ZMYND11: variants seen among roughly 807,000 people sequenced by gnomAD.
ZMYND11 encodes the protein zinc finger MYND-type containing 11.
A neutral mutation model predicts 84.9 loss-of-function variants in ZMYND11; 9 were observed. The ratio of observed to expected loss-of-function variants is 0.11; its 90% CI spans 0.06 to 0.18. The LOEUF (loss-of-function observed/expected upper bound fraction) is 0.18. ZMYND11 is among the 10% of genes least tolerant of loss of function. The pLI, the probability that ZMYND11 is intolerant of heterozygous loss-of-function variation, is 1.00. For missense variants in ZMYND11, 409 were observed against 761.0 expected, an observed-to-expected ratio of 0.54 and a Z score of 5.44; for synonymous variants, 250 against 244.1, an observed-to-expected ratio of 1.02 and a Z score of -0.23.
At chr10:190,615 A>G (rs1324298781) in intron 2 of ZMYND11, among the ~76,000 whole-genome samples, 1 of 152,180 alleles carries the variant, frequency 6.6e-6, no homozygotes, top group African/African-American at 2.4e-5. Context: ...TTATTGATAA[A>G]GTCCAAATAC....
chr10:166,453 C>T (rs1433642182), intron 1 of ZMYND11, among the ~76,000 whole-genome samples: 2 of 151,872 alleles, frequency 1.3e-5, no homozygotes, highest in Non-Finnish European at 2.9e-5. Context: ...AGACATTTCT[C>T]CAGACATATA....
chr10:174,326 T>C (rs1554766402), intron 1 of ZMYND11, among the ~76,000 whole-genome samples: 1 of 152,186 alleles, frequency 6.6e-6, no homozygotes, highest in East Asian at 1.9e-4. Flanking sequence ...ATTCCAACTG[T>C]GTGACATCTT....
At chr10:237,751 T>A in intron 6 of ZMYND11, 74 bp downstream of exon 6, 1 of 1,226,908 alleles carries the variant, frequency 8.2e-7, no homozygotes. Context: ...ATGTAGCAGT[T>A]AAGCAGATTT....
chr10:157,889 G>A (rs147952802), intron 1 of ZMYND11, among the ~76,000 whole-genome samples: 4 of 152,196 alleles, frequency 2.6e-5, no homozygotes, highest in Admixed American at 1.3e-4. Context: ...CTTCTCACCC[G>A]ATCCCCGGGC....
intron 1 of ZMYND11, among the ~76,000 whole-genome samples, chr10:159,602 T>C (rs1174042558): frequency 6.6e-6 from 1 of 152,180 alleles, no homozygotes; most frequent in African/African-American, 2.4e-5. Context: ...TGGGGCGTAT[T>C]CTGAAATTTC....
chr10:214,587 T>C (rs115320862), intron 3 of ZMYND11, among the ~76,000 whole-genome samples: 7 of 152,222 alleles, frequency 4.6e-5, no homozygotes, highest in Non-Finnish European at 1.0e-4. Flanking sequence ...CTTTTAAAAT[T>C]ATATTGGAAA....
At chr10:157,553 G>A (rs1338258477) in intron 1 of ZMYND11, among the ~76,000 whole-genome samples, 11 of 152,126 alleles carry the variant, frequency 7.2e-5, no homozygotes, top group African/African-American at 2.7e-4. Context: ...GAAAGCACAC[G>A]TAAGCTACTT....
chr10:200,871 T>G (rs1381444502), intron 2 of ZMYND11, among the ~76,000 whole-genome samples: 1 of 152,206 alleles, frequency 6.6e-6, no homozygotes, highest in Non-Finnish European at 1.5e-5. Flanking sequence ...GTCATAAATG[T>G]TTTTCCATTT....
intron 1 of ZMYND11, among the ~76,000 whole-genome samples, chr10:167,989 C>G (rs1554764454): frequency 6.6e-6 from 1 of 152,006 alleles, no homozygotes. Flanking sequence ...CTTGATACCC[C>G]CTGGCAACCA....
chr10:188,752 A>G (rs898256562), intron 2 of ZMYND11, among the ~76,000 whole-genome samples: 1 of 152,206 alleles, frequency 6.6e-6, no homozygotes, highest in East Asian at 1.9e-4. Context: ...GATTTGGACT[A>G]TTATGACTTG....
chr10:208,967 A>G (rs1338751431), intron 2 of ZMYND11, among the ~76,000 whole-genome samples: 8 of 151,952 alleles, frequency 5.3e-5, no homozygotes, highest in Admixed American at 6.6e-5. Flanking sequence ...GAAGTTTAGT[A>G]GTTAACTGGA....
chr10:240,287 C>T (rs975735355), intron 8 of ZMYND11, among the ~76,000 whole-genome samples, 176 bp downstream of exon 8: 1 of 152,112 alleles, frequency 6.6e-6, no homozygotes, highest in African/African-American at 2.4e-5. Context: ...GGGCGGATCA[C>T]GAGATCAAGA....
At chr10:239,978 CTG>C in intron 7 of ZMYND11, 76 bp from the exon 8 acceptor site, 2 of 1,294,894 alleles carry the variant, frequency 1.5e-6, no homozygotes, top group African/African-American at 1.5e-5. Context: ...CTTTTGCAAA[CTG>C]AAAGAAAAGG....
intron 1 of ZMYND11, among the ~76,000 whole-genome samples, chr10:173,766 C>T (rs1845928991): frequency 6.6e-6 from 1 of 152,020 alleles, no homozygotes; most frequent in Admixed American, 6.6e-5. Flanking sequence ...GGACACCTCA[C>T]CAAAGAAATA....
At chr10:141,591 T>C (rs953392611) in intron 1 of ZMYND11, among the ~76,000 whole-genome samples, 1 of 152,262 alleles carries the variant, frequency 6.6e-6, no homozygotes, top group Admixed American at 6.5e-5. Flanking sequence ...GAGATTTTAC[T>C]ATATTAACAA....
intron 2 of ZMYND11, among the ~76,000 whole-genome samples, chr10:204,003 C>T (rs1467990691): frequency 5.3e-5 from 8 of 152,226 alleles, no homozygotes; most frequent in Non-Finnish European, 1.5e-5. Context: ...AACCAGTCCC[C>T]TAAGATATAT....
intron 10 of ZMYND11, among the ~76,000 whole-genome samples, chr10:245,969 C>T (rs1414882736): frequency 4.6e-5 from 7 of 152,268 alleles, no homozygotes; most frequent in Non-Finnish European, 8.8e-5. Context: ...TCACGTAGAC[C>T]CCATTCACTT....
intron 2 of ZMYND11, among the ~76,000 whole-genome samples, chr10:187,665 ACTT>A (rs1259505125): frequency 1.3e-4 from 20 of 151,768 alleles, no homozygotes; most frequent in African/African-American, 4.6e-4. Context: ...CCCAAGATAA[ACTT>A]CTTTAACAAG....
chr10:208,371 GA>G (rs1588956736), intron 2 of ZMYND11, among the ~76,000 whole-genome samples: 1 of 152,192 alleles, frequency 6.6e-6, no homozygotes, highest in East Asian at 1.9e-4. Flanking sequence ...CAAAATGGGA[GA>G]AAATTTTCAC....
Sources: allele counts gnomAD v4.1 joint callset (sites outside exome capture counted in the v4.1 genomes callset), GRCh38; gene constraint gnomAD v4.1.1; transcripts MANE v1.5; gene names NCBI Gene and HGNC (gene_info 2026-07-23, HGNC 2026-07-21).